WNK2: variants seen among roughly 807,000 people sequenced by gnomAD.
WNK2 encodes serine/threonine-protein kinase WNK2.
In WNK2, 67 loss-of-function variants were observed where a neutral mutation model predicts 192.1. The observed-to-expected ratio is 0.35, with a 90% CI of 0.29 to 0.43. WNK2 has a LOEUF of 0.43. Among genes scored for constraint, WNK2 ranks in the 20% least tolerant of loss-of-function variants. The pLI is 1.00. For synonymous variants in WNK2, 1,439 were observed against 1,393.9 expected (o/e 1.03, Z -0.72); for missense variants, 2,698 against 3,089.7 (o/e 0.87, Z 3.01).
intron 2 of WNK2, among the ~76,000 whole-genome samples, chr9:93,201,988 A>G (rs1292775042): frequency 2.0e-5 from 3 of 152,196 alleles, no homozygotes; most frequent in Non-Finnish European, 4.4e-5. Context: ...GCAGCTGCCA[A>G]CTTTCCACCT....
chr9:93,311,243 G>A (rs1018570185), intron 28 of WNK2, among the ~76,000 whole-genome samples: 7 of 152,156 alleles, frequency 4.6e-5, no homozygotes, highest in Admixed American at 6.5e-5. Flanking sequence ...TAGCATGTCC[G>A]AATTTCCTTT....
intron 8 of WNK2, among the ~76,000 whole-genome samples, chr9:93,250,631 GTT>G (rs1842458435): frequency 6.6e-6 from 1 of 152,152 alleles, no homozygotes; most frequent in East Asian, 1.9e-4. Flanking sequence ...CCCTTGTTGT[GTT>G]TTCTTAAACT....
intron 19 of WNK2, among the ~76,000 whole-genome samples, chr9:93,283,368 T>C (rs1418083403): frequency 2.6e-5 from 4 of 152,176 alleles, no homozygotes; most frequent in Non-Finnish European, 5.9e-5. Context: ...GCAACGGTTC[T>C]TTGAAATGGC....
chr9:93,190,835 G>C (rs1182668982), intron 2 of WNK2, among the ~76,000 whole-genome samples: 1 of 152,200 alleles, frequency 6.6e-6, no homozygotes, highest in Non-Finnish European at 1.5e-5. Flanking sequence ...GCTTGATCTT[G>C]GGCCCTCCTC....
rs376854059 is a variant in WNK2 at position 93,308,582 on chromosome 9, G to T, written c.6514G>T (p.Ala2172Ser). The T allele has an allele frequency of 2.1e-5, 33 of 1,569,536 alleles. No homozygotes were observed. In the African/African-American group the frequency reaches 3.8e-4, roughly 18 times the overall value. ...CTGGGCTGCCCCTGGCGAGGCGCGG[G>T]CTGTGAGTGCGGGGCGGGTGGGGCG... ...AGWAAPGEARAMTAPRAGVGM... is the reference protein window; with the variant it reads ...AGWAAPGEARSMTAPRAGVGM... Residue 2172 changes from alanine (A) to serine (S), a missense_variant and splice_region_variant, in exon 28 of 30, where the codon GCT becomes TCT. By Grantham distance (99) the Ala-to-Ser change is moderately conservative (BLOSUM62 1). Transcript: ENST00000427277.
At position 93,259,282 on chromosome 9, in the gene WNK2, T is replaced by C. The variant is rs760763940; in HGVS notation, c.2734T>C (p.Tyr912His). 1 of 1,613,578 alleles carries C rather than the reference T, an allele frequency of 6.2e-7. No homozygotes were observed. The highest frequency in any genetic ancestry group is 1.1e-5 in the South Asian group (1 of 91,062). The change falls in exon 12 of 30, where the codon TAC becomes CAC. Residue 912 changes from tyrosine (Y) to histidine (H), a missense_variant. Coordinates refer to ENST00000427277, the MANE Select transcript of WNK2 (RefSeq NM_006648.4). This position sits in a 1 kb window ranked among gnomAD's most constrained non-coding sequence, Gnocchi z 4.8. Reference protein sequence around the residue: ...AVAQLPGQPVYPAAFPQMAPT... With the variant: ...AVAQLPGQPVHPAAFPQMAPT... ...GGCCCAGCTCCCAGGCCAACCTGTG[T>C]ACCCAGCGGCCTTCCCACAGATGGC...
At chr9:93,256,225 T>C in intron 9 of WNK2, 74 bp from the exon 10 acceptor site, 1 of 1,400,272 alleles carries the variant, frequency 7.1e-7, no homozygotes, top group Non-Finnish European at 9.3e-7. Flanking sequence ...GACATGAGGC[T>C]ACCCTGCCCC....
At chr9:93,263,425 T>C in intron 14 of WNK2, 141 bp from the exon 15 acceptor site, 1 of 931,420 alleles carries the variant, frequency 1.1e-6, no homozygotes, top group Non-Finnish European at 1.5e-6. Context: ...CTTGGGGTAT[T>C]CGCACAGGAC....
chr9:93,252,514 C>T (rs1406794432), intron 8 of WNK2, among the ~76,000 whole-genome samples: 4 of 152,252 alleles, frequency 2.6e-5, no homozygotes, highest in Non-Finnish European at 4.4e-5. Flanking sequence ...GTGAAGACAT[C>T]AGTTTTTTCT....
chr9:93,249,308 ATAATT>A (rs1564083121), intron 8 of WNK2, among the ~76,000 whole-genome samples: 1 of 152,200 alleles, frequency 6.6e-6, no homozygotes, highest in Non-Finnish European at 1.5e-5. Flanking sequence ...GTCAGATAAT[ATAATT>A]CAGGTTTGAT....
intron 23 of WNK2, among the ~76,000 whole-genome samples, chr9:93,293,384 A>ACC: frequency 6.6e-6 from 1 of 150,808 alleles, no homozygotes; most frequent in East Asian, 2.0e-4. Flanking sequence ...CAGTGGTGCA[A>ACC]TCTTCGCTCG....
At chr9:93,204,368 C>T (rs112291718) in intron 2 of WNK2, among the ~76,000 whole-genome samples, 4 of 152,180 alleles carry the variant, frequency 2.6e-5, no homozygotes, top group South Asian at 2.1e-4. Context: ...TATTAGGTTA[C>T]GGCTTCCAAG....
At chr9:93,276,675 T>C (rs1472391556) in intron 19 of WNK2, among the ~76,000 whole-genome samples, 1 of 152,160 alleles carries the variant, frequency 6.6e-6, no homozygotes, top group East Asian at 1.9e-4. Flanking sequence ...AAATCACATA[T>C]CCAACATAGT....
At chr9:93,306,982 C>G in intron 27 of WNK2, 161 bp downstream of exon 27, 1 of 848,034 alleles carries the variant, frequency 1.2e-6, no homozygotes, top group Non-Finnish European at 1.9e-6. Context: ...TCGCTTCTGC[C>G]TGGCGGGATC....
chr9:93,189,868 CCTG>C (rs1368300237), intron 2 of WNK2, among the ~76,000 whole-genome samples: 5 of 152,358 alleles, frequency 3.3e-5, no homozygotes, highest in Non-Finnish European at 4.4e-5. Flanking sequence ...GCCAGCCTCA[CCTG>C]CTTTTAGCCC....
intron 3 of WNK2, 57 bp from the exon 4 acceptor site, chr9:93,230,831 G>C: frequency 2.6e-6 from 4 of 1,522,416 alleles, no homozygotes; most frequent in Non-Finnish European, 3.6e-6. Context: ...TGGGGGCTTT[G>C]CTAGGGGGCC....
intron 19 of WNK2, among the ~76,000 whole-genome samples, chr9:93,273,040 G>A (rs1292265291): frequency 6.6e-6 from 1 of 152,174 alleles, no homozygotes; most frequent in Non-Finnish European, 1.5e-5. Flanking sequence ...GATGGTGAAA[G>A]ACAGACCATG....
chr9:93,214,697 G>GCCCCT (rs1835389434), intron 2 of WNK2, among the ~76,000 whole-genome samples: 1 of 80,224 alleles, frequency 1.2e-5, no homozygotes, highest in African/African-American at 4.7e-5. Flanking sequence ...TGAAGGTAGT[G>GCCCCT]CCCCCCCCCC....
At chr9:93,236,258 T>G (rs768896020) in intron 5 of WNK2, among the ~76,000 whole-genome samples, 1 of 152,102 alleles carries the variant, frequency 6.6e-6, no homozygotes, top group East Asian at 1.9e-4. Flanking sequence ...TGGTCTGTCC[T>G]GAAGCTGTCC....
Sources: gnomAD v4.1 joint callset for allele counts (sites outside exome capture counted in the v4.1 genomes callset) on GRCh38, gnomAD v4.1.1 for gene constraint, Gnocchi (gnomAD v3.1) non-coding constraint, MANE v1.5 for transcripts, NCBI Gene and HGNC (gene_info 2026-07-23, HGNC 2026-07-21) for gene names.